Variants in RIMS1 observed in about 807,000 individuals in gnomAD.
RIMS1 encodes regulating synaptic membrane exocytosis 1, also known as regulating synaptic membrane exocytosis protein 1.
Under a neutral mutation model 214.1 loss-of-function variants are expected in RIMS1, and 83 were observed. The ratio of observed to expected loss-of-function variants is 0.39; its 90% CI spans 0.32 to 0.47. The LOEUF is 0.47. Ranked by LOEUF, RIMS1 falls within the 20% of genes least tolerant of loss-of-function variation. The probability of loss-of-function intolerance (pLI) is 0.99; values close to 1 mark genes in which losing one functional copy is unlikely to be tolerated. For missense variants in RIMS1, 2,050 were observed against 2,161.8 expected, an observed-to-expected ratio of 0.95 and a Z score of 1.03; for synonymous variants, 793 against 786.8, an observed-to-expected ratio of 1.01 and a Z score of -0.13.
At chr6:72,257,511 T>C (rs550303738) in intron 16 of RIMS1, among the ~76,000 whole-genome samples, 1 of 152,214 alleles carries the variant, frequency 6.6e-6, no homozygotes, top group East Asian at 1.9e-4. Context: ...CTCTACATTA[T>C]TGTGATAGTC....
chr6:72,022,405 G>A (rs1479984903), intron 2 of RIMS1, among the ~76,000 whole-genome samples: 1 of 152,124 alleles, frequency 6.6e-6, no homozygotes, highest in Non-Finnish European at 1.5e-5. Context: ...AAATGTTTAT[G>A]TGAATGTGAA....
intron 11 of RIMS1, among the ~76,000 whole-genome samples, chr6:72,247,105 C>T (rs1439553039): frequency 6.6e-6 from 1 of 152,056 alleles, no homozygotes; most frequent in African/African-American, 2.4e-5. Context: ...GATCAATAGC[C>T]TTCTATAAAC....
chr6:72,174,099 C>T (rs2047399019), intron 4 of RIMS1, among the ~76,000 whole-genome samples: 2 of 152,196 alleles, frequency 1.3e-5, no homozygotes, highest in South Asian at 4.1e-4. Flanking sequence ...AGAAAATCAA[C>T]TCCGTTCTTG....
intron 29 of RIMS1, among the ~76,000 whole-genome samples, chr6:72,351,041 G>T (rs1039820633): frequency 6.6e-6 from 1 of 151,700 alleles, no homozygotes; most frequent in Non-Finnish European, 1.5e-5. Flanking sequence ...ATAATTGTGA[G>T]AATTAAATAC....
At chr6:72,107,559 T>G (rs539600822) in intron 4 of RIMS1, among the ~76,000 whole-genome samples, 129 of 151,850 alleles carry the variant, frequency 8.5e-4, no homozygotes, top group African/African-American at 3.0e-3. Flanking sequence ...AGACTCCATC[T>G]CAAAAGAAAA....
intron 6 of RIMS1, among the ~76,000 whole-genome samples, chr6:72,195,672 C>T (rs975140476): frequency 2.6e-5 from 4 of 152,064 alleles, no homozygotes; most frequent in African/African-American, 9.7e-5. Flanking sequence ...ACTAAACGTA[C>T]TGGGAGTATC....
At chr6:72,355,137 G>A (rs1267024254) in intron 29 of RIMS1, among the ~76,000 whole-genome samples, 4 of 152,090 alleles carry the variant, frequency 2.6e-5, no homozygotes, top group African/African-American at 9.7e-5. Flanking sequence ...AACAACAGTT[G>A]TGTCACTTAA....
At chr6:72,149,136 A>G (rs1306039809) in intron 4 of RIMS1, among the ~76,000 whole-genome samples, 1 of 152,158 alleles carries the variant, frequency 6.6e-6, no homozygotes, top group African/African-American at 2.4e-5. Context: ...TTCCTTCAAC[A>G]GGGGAAAAAA....
intron 4 of RIMS1, among the ~76,000 whole-genome samples, chr6:72,152,029 G>A (rs2463707): frequency 0.62 from 93,412 of 151,834 alleles, 29,384 homozygotes; most frequent in East Asian, 0.84. Flanking sequence ...AGGAGGACTC[G>A]CTGATTACCA....
intron 29 of RIMS1, among the ~76,000 whole-genome samples, chr6:72,338,003 A>G (rs551864197): frequency 6.8e-4 from 102 of 150,916 alleles, no homozygotes; most frequent in Non-Finnish European, 8.3e-4. Context: ...TTGGACATTT[A>G]GGTTGGTTCC....
At chr6:72,076,058 T>C (rs1185721201) in intron 2 of RIMS1, among the ~76,000 whole-genome samples, 7 of 152,214 alleles carry the variant, frequency 4.6e-5, no homozygotes, top group Non-Finnish European at 8.8e-5. Flanking sequence ...GCTTTAAGAC[T>C]TTTAAAATTA....
At chr6:72,192,146 C>T (rs2050173002) in intron 6 of RIMS1, among the ~76,000 whole-genome samples, 1 of 152,166 alleles carries the variant, frequency 6.6e-6, no homozygotes, top group Non-Finnish European at 1.5e-5. Flanking sequence ...ACCCACTGGA[C>T]CCACTGTAAG....
At chr6:71,956,095 T>A (rs1936021) in intron 1 of RIMS1, among the ~76,000 whole-genome samples, 7,581 of 148,540 alleles carry the variant, frequency 0.051, 329 homozygotes, top group East Asian at 0.18. Context: ...GCCTAAAAAA[T>A]ATATATATAT....
intron 2 of RIMS1, among the ~76,000 whole-genome samples, chr6:71,972,822 C>T (rs1796194136): frequency 6.6e-6 from 1 of 152,140 alleles, no homozygotes; most frequent in Non-Finnish European, 1.5e-5. Context: ...AAATACAATA[C>T]TAAAATGCGT....
intron 19 of RIMS1, 154 bp downstream of exon 19, chr6:72,260,921 A>G: frequency 6.8e-7 from 1 of 1,480,280 alleles, no homozygotes; most frequent in Non-Finnish European, 9.0e-7. Flanking sequence ...GAGGTTATGG[A>G]AAAGGTTCCA....
chr6:72,282,328 T>C (rs2154216610), intron 23 of RIMS1, among the ~76,000 whole-genome samples: 1 of 152,226 alleles, frequency 6.6e-6, no homozygotes, highest in Non-Finnish European at 1.5e-5. Context: ...AGGAACAAGA[T>C]TCCATTCCCA....
intron 22 of RIMS1, among the ~76,000 whole-genome samples, chr6:72,273,599 G>C (rs989248951): frequency 1.3e-5 from 2 of 152,054 alleles, no homozygotes; most frequent in African/African-American, 4.8e-5. Flanking sequence ...TAAATGCTGA[G>C]CTAAAAAGCA....
intron 1 of RIMS1, among the ~76,000 whole-genome samples, chr6:71,950,763 A>G (rs1391542865): frequency 6.6e-6 from 1 of 152,180 alleles, no homozygotes; most frequent in Non-Finnish European, 1.5e-5. Flanking sequence ...GGCAGCTTCT[A>G]CCTTTACAGC....
chr6:72,155,802 G>C (rs1429171469), intron 4 of RIMS1, among the ~76,000 whole-genome samples: 1 of 140,336 alleles, frequency 7.1e-6, no homozygotes, highest in Admixed American at 7.3e-5. Context: ...GGAATTATGG[G>C]AGTTACAACT....
Sources: allele counts gnomAD v4.1 joint callset (sites outside exome capture counted in the v4.1 genomes callset), GRCh38; gene constraint gnomAD v4.1.1; transcripts MANE v1.5; gene names NCBI Gene and HGNC (gene_info 2026-07-23, HGNC 2026-07-21).